ZNF692: variants seen among roughly 807,000 people sequenced by gnomAD.
ZNF692 encodes the protein AICAR responsive element binding protein.
In ZNF692, 41 loss-of-function variants were observed where a neutral mutation model predicts 49.0. The ratio of observed to expected loss-of-function variants is 0.84; its 90% confidence interval spans 0.65 to 1.08. The LOEUF (loss-of-function observed/expected upper bound fraction) is 1.08, where lower values mean the gene tolerates loss of function less well. ZNF692 is among the 50% of genes least tolerant of loss of function. The pLI, the probability that ZNF692 is intolerant of heterozygous loss-of-function variation, is 0.00. For missense variants in ZNF692, 662 were observed against 662.2 expected, an observed-to-expected ratio of 1.00 and a Z score of 0.00; for synonymous variants, 288 against 251.5, an observed-to-expected ratio of 1.15 and a Z score of -1.37.
chr1:248,857,907 C>G (rs1660427706), intron 2 of ZNF692, 48 bp from the exon 3 acceptor site: 2 of 1,607,744 alleles, frequency 1.2e-6, no homozygotes, highest in Non-Finnish European at 1.7e-6. Flanking sequence ...GCCAGCCACC[C>G]TCAGCCCTGG....
At position 248,857,303 on chromosome 1, in the gene ZNF692, G is replaced by C; in HGVS notation, c.406C>G (p.Pro136Ala). 1 of 1,614,154 alleles carries C rather than the reference G, an allele frequency of 6.2e-7. No homozygotes were observed. Among genetic ancestry groups the C allele is most frequent in the Non-Finnish European group, 8.5e-7 (1 of 1,180,028 alleles). ...CGAGTAGTATGTGGAAGGGAGGCTG[G>C]CTTGGGTGCCTCTGAAGGTGTAGGG... is the stretch of plus-strand genomic sequence containing the variant. ...LSPTPSEAPKPASLPHTTRRS... is the reference protein window; with the variant it reads ...LSPTPSEAPKAASLPHTTRRS... The change falls in exon 4 of 12, where the codon CCA (proline) becomes GCA (alanine). Residue 136 changes from proline to alanine, a missense_variant. By Grantham distance (27) the Pro-to-Ala change is conservative. Coordinates refer to ENST00000306601, the MANE Select transcript of ZNF692 (RefSeq NM_017865.4).
Position 248,858,846 on chromosome 1 carries a change from C to A in ZNF692, c.-13+72G>T. 2 of 481,980 alleles carry A rather than the reference C, an allele frequency of 4.1e-6. No individual in the cohort carries two copies. The highest frequency in any genetic ancestry group is 3.8e-6 in the Non-Finnish European group (1 of 261,930). 29.9% of individuals were successfully genotyped at this position (481,980 alleles called of 1,614,324 possible). ...CACTTAATGCTGACAGTGAGTGGAGCGGACTAATCCCAATGGCAGTTCCCA... is the reference window on the plus strand; with the variant it reads ...CACTTAATGCTGACAGTGAGTGGAGAGGACTAATCCCAATGGCAGTTCCCA... On this transcript the variant is annotated intron_variant, in intron 1 of 11. Coordinates refer to ENST00000306601, the MANE Select transcript of ZNF692 (RefSeq NM_017865.4). The surrounding 1 kb of genome is among the most constrained non-coding windows in gnomAD (Gnocchi z 4.3).
At chr1:248,857,543 C>T (rs760002670) in intron 3 of ZNF692, 46 bp from the exon 4 acceptor site, 29 of 1,574,962 alleles carry the variant, frequency 1.8e-5, no homozygotes, top group Non-Finnish European at 2.2e-5. Context: ...GAAGTCTCCT[C>T]CTCTTACCCT....
chr1:248,850,443 C>G lies in ZNF692; in HGVS notation c.1327G>C (p.Val443Leu), dbSNP rs1659423044. ...NWHQRKHAET[V>L]AALRFPCEFC... ...TCACAGGGGAAGCGCAAGGCAGCCA[C>G]CGTCTCTGCATGCTTGCGCTGGTGC... is the stretch of plus-strand genomic sequence containing the variant. Residue 443 changes from valine (V) to leucine (L), a missense_variant, in exon 12 of 12, where the codon GTG (valine) becomes CTG (leucine). Physicochemically the swap from Val to Leu is conservative, Grantham distance 32. Transcript: ENST00000306601. 6.2e-7 allele frequency: 1 copy of G among 1,613,818 alleles called. No individual in the cohort carries two copies. Among genetic ancestry groups the G allele is most frequent in the Admixed American group, 1.7e-5 (1 of 59,984 alleles).
At chr1:248,850,967 A>T (rs775402946) in intron 10 of ZNF692, 186 bp from the exon 11 acceptor site, 1 of 705,384 alleles carries the variant, frequency 1.4e-6, no homozygotes, top group Non-Finnish European at 2.6e-6. Context: ...CATGACAACC[A>T]AGTAAGATAC....
intron 7 of ZNF692, 39 bp downstream of exon 7, chr1:248,855,686 A>G (rs377420863): frequency 9.1e-5 from 147 of 1,613,996 alleles, no homozygotes; most frequent in Non-Finnish European, 1.2e-4. Flanking sequence ...GCCACATCCC[A>G]GGACGCCCCT....
At chr1:248,854,289 G>T (rs1659961043) in intron 9 of ZNF692, 2 of 471,612 alleles carry the variant, frequency 4.2e-6, no homozygotes, top group Non-Finnish European at 3.9e-6. Flanking sequence ...CCAATTCTGT[G>T]CTTTACTTCC....
In ZNF692 at chr1:248,858,892, G is replaced by A. The variant is rs1201500990; in HGVS notation, c.-13+26C>T. On this transcript the variant is annotated intron_variant, in intron 1 of 11. Transcript: ENST00000306601. The surrounding 1 kb of genome is among the most constrained non-coding windows in gnomAD (Gnocchi z 4.3). ...TCCCAGGCTGCCCAGAGCCCCCGTC[G>A]CGACCCACCCCCACCCCGGCCTTAC... 3.1e-6 allele frequency: 1 copy of A among 323,472 alleles called. No homozygotes were observed. The highest frequency in any genetic ancestry group is 6.5e-5 in the East Asian group (1 of 15,408). 20.0% of individuals were successfully genotyped at this position (323,472 alleles called of 1,614,324 possible).
intron 4 of ZNF692, 31 bp from the exon 5 acceptor site, chr1:248,856,593 A>G (rs200610622): frequency 6.2e-7 from 1 of 1,613,874 alleles, no homozygotes; most frequent in East Asian, 2.2e-5. Flanking sequence ...AAAGAGAAGG[A>G]ACTCTGGACT....
intron 10 of ZNF692, among the ~76,000 whole-genome samples, chr1:248,852,285 CTT>C (rs879258133): frequency 1.1e-4 from 17 of 152,214 alleles, no homozygotes; most frequent in East Asian, 3.8e-4. Context: ...CAGCAGTGCT[CTT>C]GTTTCTAAAG....
chr1:248,856,376 C>A lies in ZNF692; in HGVS notation c.571G>T (p.Glu191Ter), dbSNP rs766499769. 1 of 1,612,920 alleles carries A rather than the reference C, an allele frequency of 6.2e-7. No individual in the cohort carries two copies. The highest frequency in any genetic ancestry group is 1.3e-5 in the African/African-American group (1 of 75,048). ...PETFPPPGEEEGEEEEDNDED... is the reference protein window; with the variant it reads ...PETFPPPGEE ...TCATTGTCCTCTTCTTCCTCACCCT[C>A]TTCCTCTCCTGGAGGTGGGAAGGTC... The change falls in exon 6 of 12, where the codon GAG becomes TAG. Residue 191 changes from glutamate to a stop codon, truncating the protein, a stop_gained. Transcript: ENST00000306601. LOFTEE classifies it high-confidence loss of function.
In ZNF692 at chr1:248,858,178, C is replaced by A. The variant is rs775523064; in HGVS notation, c.132G>T (p.Arg44=). 18 of 1,577,236 alleles carry A rather than the reference C, an allele frequency of 1.1e-5. No individual in the cohort carries two copies. Among genetic ancestry groups the A allele is most frequent in the Non-Finnish European group, 1.1e-5 (13 of 1,162,064 alleles). Residue 44 remains arginine, a synonymous_variant, in exon 2 of 12, where the codon CGG becomes CGT. Coordinates refer to ENST00000306601, the MANE Select transcript of ZNF692 (RefSeq NM_017865.4). The surrounding 1 kb of genome is among the most constrained non-coding windows in gnomAD (Gnocchi z 4.3). ...GCTGCGAGTGCAGGGAGAAGCCCAG[C>A]CGCTCCTTGAGGAGGCACCACTGCT... is the stretch of plus-strand genomic sequence containing the variant. ...HMEQWCLLKE[R]LGFSLHSQLA...
rs1660452942 is a variant in ZNF692, at chr1:248,858,077, G to A, written c.179+54C>T. On this transcript the variant is annotated intron_variant, in intron 2 of 11. Coordinates refer to ENST00000306601, the MANE Select transcript of ZNF692 (RefSeq NM_017865.4). The surrounding 1 kb of genome is among the most constrained non-coding windows in gnomAD (Gnocchi z 4.3). ...CAGCAGGACAGGCCCTGGAGAGGAGGCTAGGGGCTGCTGCCTGGGTACCCT... is the reference window on the plus strand; with the variant it reads ...CAGCAGGACAGGCCCTGGAGAGGAGACTAGGGGCTGCTGCCTGGGTACCCT... The A allele has an allele frequency of 2.6e-6, 4 of 1,546,240 alleles. No homozygotes were observed. The highest frequency in any genetic ancestry group is 1.9e-5 in the Admixed American group (1 of 53,598).
rs987860575 is a variant in ZNF692, at chr1:248,856,313, A to G, written c.634T>C (p.Trp212Arg). The G allele has an allele frequency of 1.9e-6, 3 of 1,602,560 alleles. No homozygotes were observed. Among genetic ancestry groups the G allele is most frequent in the Non-Finnish European group, 2.6e-6 (3 of 1,173,840 alleles). ...EEEMLSDASLWTYSSSPDDSE... is the reference protein window; with the variant it reads ...EEEMLSDASLRTYSSSPDDSE... Reference sequence around the variant, plus strand: ...TCATCTGGGGAGGAGCTGTAGGTCCATAAGCTGGCATCACTGAGCATCTCC... The same window carrying G: ...TCATCTGGGGAGGAGCTGTAGGTCCGTAAGCTGGCATCACTGAGCATCTCC... Residue 212 changes from tryptophan to arginine, a missense_variant, in exon 6 of 12, where the codon TGG becomes CGG. Trp to Arg is a moderately radical substitution (Grantham distance 101, BLOSUM62 -3). Transcript: ENST00000306601.
rs769637689 is a variant in ZNF692 at position 248,850,198 on chromosome 1, C to G, written c.*12G>C. On this transcript the variant is annotated 3_prime_UTR_variant, in exon 12 of 12. Coordinates refer to ENST00000306601, the MANE Select transcript of ZNF692 (RefSeq NM_017865.4). ...GGAGTCTGGCTTCCCAAAGCCAAAG[C>G]TGGAGGAGAGCTCATTGCTGAGGAA... is the stretch of plus-strand genomic sequence containing the variant. 6.6e-7 allele frequency: 1 copy of G among 1,512,484 alleles called. No homozygotes were observed. Among genetic ancestry groups the G allele is most frequent in the African/African-American group, 1.4e-5 (1 of 71,756 alleles). 93.7% of individuals were successfully genotyped at this position (1,512,484 alleles called of 1,614,324 possible).
intron 2 of ZNF692, 132 bp from the exon 3 acceptor site, chr1:248,857,991 C>A: frequency 1.3e-6 from 2 of 1,548,684 alleles, no homozygotes; most frequent in Non-Finnish European, 1.7e-6. Context: ...GCAGGACCCT[C>A]GGAGGCCACA....
Position 248,858,101 on chromosome 1 carries a change from C to T in ZNF692, c.179+30G>A. Reference sequence around the variant, plus strand: ...GGCTAGGGGCTGCTGCCTGGGTACCCTCCCCCAAGCCCTTCTCCCGGCCCC... The same window carrying T: ...GGCTAGGGGCTGCTGCCTGGGTACCTTCCCCCAAGCCCTTCTCCCGGCCCC... On this transcript the variant is annotated intron_variant, in intron 2 of 11. Coordinates refer to ENST00000306601, the MANE Select transcript of ZNF692 (RefSeq NM_017865.4). The surrounding 1 kb of genome is among the most constrained non-coding windows in gnomAD (Gnocchi z 4.3). 4 of 1,553,406 alleles carry T rather than the reference C, an allele frequency of 2.6e-6. No individual in the cohort carries two copies. The highest frequency in any genetic ancestry group is 2.3e-5 in the South Asian group (2 of 86,188).
intron 10 of ZNF692, among the ~76,000 whole-genome samples, chr1:248,853,628 T>C (rs1027312273): frequency 6.6e-6 from 1 of 152,222 alleles, no homozygotes; most frequent in Admixed American, 6.5e-5. Flanking sequence ...TCTCCTCCTT[T>C]CCCTTGCTTC....
At chr1:248,856,106 T>G (rs1207358825) in intron 6 of ZNF692, 160 bp from the exon 7 acceptor site, 7 of 1,207,808 alleles carry the variant, frequency 5.8e-6, no homozygotes, top group Non-Finnish European at 8.0e-6. Flanking sequence ...TCAATCTCCC[T>G]GCACCTGACT....
Sources: allele counts gnomAD v4.1 joint callset (sites outside exome capture counted in the v4.1 genomes callset), GRCh38; gene constraint gnomAD v4.1.1; non-coding constraint Gnocchi (gnomAD v3.1); transcripts MANE v1.5; gene names NCBI Gene and HGNC (gene_info 2026-07-23, HGNC 2026-07-21).